The following SLX4IP variants were observed in gnomAD, a reference collection of about 807,000 sequenced individuals.
SLX4IP encodes the protein SLX4 interacting protein.
Under a neutral mutation model 32.9 loss-of-function variants are expected in SLX4IP, and 34 were observed. That is an observed-to-expected ratio of 1.03 (90% CI 0.79 to 1.38). SLX4IP has a LOEUF of 1.38. Ranked by LOEUF, SLX4IP falls within the 40% of genes most tolerant of loss-of-function variation. The pLI, the probability that SLX4IP is intolerant of heterozygous loss-of-function variation, is 0.00. For missense variants in SLX4IP, 444 were observed against 479.0 expected, an observed-to-expected ratio of 0.93 and a Z score of 0.68; for synonymous variants, 172 against 171.7, an observed-to-expected ratio of 1.00 and a Z score of -0.01.
chr20:10,616,390 TG>T (rs1420062607), intron 6 of SLX4IP, among the ~76,000 whole-genome samples: 4,566 of 125,702 alleles, frequency 0.036, 79 homozygotes, highest in Non-Finnish European at 0.044. Context: ...AAAAAAAAAA[TG>T]AAATAAATAA....
intron 2 of SLX4IP, among the ~76,000 whole-genome samples, chr20:10,469,320 T>TA (rs927787495): frequency 2.1e-4 from 32 of 150,502 alleles, no homozygotes; most frequent in Admixed American, 6.0e-4. Flanking sequence ...TTTGTTTTTT[T>TA]AAAAAAAAAA....
intron 2 of SLX4IP, among the ~76,000 whole-genome samples, chr20:10,476,084 A>G (rs1160306461): frequency 6.6e-6 from 1 of 152,078 alleles, no homozygotes; most frequent in East Asian, 1.9e-4. Context: ...ACAACTTGGC[A>G]ATGTGTTTTA....
intron 1 of SLX4IP, among the ~76,000 whole-genome samples, chr20:10,451,236 C>T (rs1210789525): frequency 1.3e-5 from 2 of 152,028 alleles, no homozygotes; most frequent in African/African-American, 4.8e-5. Flanking sequence ...TCTCGGCTCA[C>T]TGCAATTTGC....
At chr20:10,446,604 T>C (rs2065204671) in intron 1 of SLX4IP, among the ~76,000 whole-genome samples, 1 of 152,120 alleles carries the variant, frequency 6.6e-6, no homozygotes, top group African/African-American at 2.4e-5. Flanking sequence ...ATATGAGAGA[T>C]CTATTTTCTC....
At chr20:10,476,116 T>C (rs929992596) in intron 2 of SLX4IP, among the ~76,000 whole-genome samples, 7 of 149,248 alleles carry the variant, frequency 4.7e-5, no homozygotes, top group Non-Finnish European at 8.9e-5. Context: ...CATTTTGAAG[T>C]GTTTTAAGGT....
At chr20:10,618,942 G>A (rs1295222249) in intron 6 of SLX4IP, among the ~76,000 whole-genome samples, 1 of 131,564 alleles carries the variant, frequency 7.6e-6, no homozygotes, top group Non-Finnish European at 1.7e-5. Context: ...TTGGGGGTTG[G>A]GGGGGCGGGG....
chr20:10,447,760 G>C (rs1216037745), intron 1 of SLX4IP, among the ~76,000 whole-genome samples: 3 of 151,978 alleles, frequency 2.0e-5, no homozygotes, highest in Non-Finnish European at 4.4e-5. Context: ...GAGTGCAGTG[G>C]CATAAACATG....
chr20:10,456,178 A>G (rs1252093879), intron 1 of SLX4IP, among the ~76,000 whole-genome samples: 1 of 152,182 alleles, frequency 6.6e-6, no homozygotes, highest in Non-Finnish European at 1.5e-5. Context: ...TTTGGATCTC[A>G]TCCCCAGGAT....
intron 3 of SLX4IP, among the ~76,000 whole-genome samples, chr20:10,559,184 C>T (rs1287280460): frequency 1.3e-5 from 2 of 151,246 alleles, no homozygotes; most frequent in South Asian, 2.1e-4. Flanking sequence ...TGAACAATGC[C>T]GAAACACTCA....
rs184211065 is a variant in SLX4IP at position 10,625,904 on chromosome 20, G to A, written c.*2525G>A. The A allele has an allele frequency of 1.3e-5, 2 of 152,132 alleles. No homozygotes were observed. The highest frequency in any genetic ancestry group is 2.9e-5 in the Non-Finnish European group (2 of 68,022). 9.4% of individuals were successfully genotyped at this position (152,132 alleles called of 1,614,324 possible). A position where few individuals can be genotyped will look rare whatever the true frequency, so the allele number is the denominator to read the frequency against. On this transcript the variant is annotated 3_prime_UTR_variant, in exon 8 of 8. Transcript: ENST00000334534. ...GGTTGCATGATTCTTTGGATATTTG[G>A]AAGTACAAAGGGGTAAATGGATGCC...
At chr20:10,503,948 A>G (rs576802862) in intron 2 of SLX4IP, among the ~76,000 whole-genome samples, 2 of 152,316 alleles carry the variant, frequency 1.3e-5, no homozygotes, top group East Asian at 3.9e-4. Context: ...ACCTGATTAC[A>G]ACTGCAAAGA....
chr20:10,443,390 A>G (rs1332216305), intron 1 of SLX4IP, among the ~76,000 whole-genome samples: 1 of 152,196 alleles, frequency 6.6e-6, no homozygotes, highest in African/African-American at 2.4e-5. Flanking sequence ...AGAGTTAGTT[A>G]TAATTCAGTG....
chr20:10,483,844 C>CATAAAA (rs2065548320), intron 2 of SLX4IP, among the ~76,000 whole-genome samples: 1 of 140,566 alleles, frequency 7.1e-6, no homozygotes, highest in Non-Finnish European at 1.5e-5. Flanking sequence ...TTCTGACCTT[C>CATAAAA]CTCTGAAGCA....
chr20:10,569,883 A>G (rs1056378487), intron 4 of SLX4IP, among the ~76,000 whole-genome samples: 1 of 152,170 alleles, frequency 6.6e-6, no homozygotes, highest in Non-Finnish European at 1.5e-5. Context: ...CCTCATTTTA[A>G]TTTAATTACC....
intron 2 of SLX4IP, among the ~76,000 whole-genome samples, chr20:10,536,359 C>G (rs1198444051): frequency 6.8e-6 from 1 of 147,812 alleles, no homozygotes; most frequent in Non-Finnish European, 1.5e-5. Flanking sequence ...AAGACCTTGT[C>G]TCTTTAAAAA....
intron 2 of SLX4IP, among the ~76,000 whole-genome samples, chr20:10,487,535 G>A (rs1054796559): frequency 3.9e-5 from 6 of 152,140 alleles, no homozygotes; most frequent in Admixed American, 2.0e-4. Flanking sequence ...TGCCACTGCC[G>A]GGATGAAGCT....
At chr20:10,618,940 TG>T (rs59862780) in intron 6 of SLX4IP, among the ~76,000 whole-genome samples, 8,971 of 41,496 alleles carry the variant, frequency 0.22, 154 homozygotes, top group South Asian at 0.42. Context: ...GCTTGGGGGT[TG>T]GGGGGGCGGG....
chr20:10,528,750 C>T (rs937850712), intron 2 of SLX4IP, among the ~76,000 whole-genome samples: 3 of 152,222 alleles, frequency 2.0e-5, no homozygotes, highest in South Asian at 2.1e-4. Context: ...TGAAGATCCA[C>T]ACCCAACCAG....
chr20:10,604,706 G>T (rs1308916227), intron 6 of SLX4IP, among the ~76,000 whole-genome samples: 1 of 152,236 alleles, frequency 6.6e-6, no homozygotes. Flanking sequence ...CAGGGACTTT[G>T]GTGCAGGGAG....
Sources: gnomAD v4.1 joint callset for allele counts (sites outside exome capture counted in the v4.1 genomes callset) on GRCh38, gnomAD v4.1.1 for gene constraint, MANE v1.5 for transcripts, NCBI Gene and HGNC (gene_info 2026-07-23, HGNC 2026-07-21) for gene names.